The following DSCAML1 variants were observed in gnomAD, a reference collection of about 807,000 sequenced individuals.
The protein encoded by DSCAML1 is DS cell adhesion molecule like 1, also known as cell adhesion molecule DSCAML1.
In DSCAML1, 38 loss-of-function variants were observed where a neutral mutation model predicts 200.5. The observed-to-expected ratio is 0.19, with a 90% CI of 0.15 to 0.25. The LOEUF is 0.25. Ranked by LOEUF, DSCAML1 falls within the 10% of genes least tolerant of loss-of-function variation. DSCAML1 has a pLI of 1.00. For synonymous variants in DSCAML1, 1,215 were observed against 1,165.0 expected (o/e 1.04, Z -0.87); for missense variants, 2,223 against 2,858.8 (o/e 0.78, Z 5.07).
At chr11:117,638,315 AGTGTGTGTGTGTGTGTGTGTGTGTGT>A (rs59327038) in intron 3 of DSCAML1, among the ~76,000 whole-genome samples, 4 of 135,128 alleles carry the variant, frequency 3.0e-5, no homozygotes, top group Non-Finnish European at 6.3e-5. Context: ...CAAGATAGCA[AGTGTGTGTGTGTGTGTGTGTGTGTGT>A]GTGTGTGTGT....
At chr11:117,495,458 G>A (rs1465308060) in intron 11 of DSCAML1, among the ~76,000 whole-genome samples, 2 of 152,150 alleles carry the variant, frequency 1.3e-5, no homozygotes, top group African/African-American at 4.8e-5. Flanking sequence ...GGAGGGGTGG[G>A]TGGAGGCTCA....
At chr11:117,435,878 C>G in intron 26 of DSCAML1, 79 bp from the exon 27 acceptor site, 3 of 1,468,916 alleles carry the variant, frequency 2.0e-6, no homozygotes, top group Non-Finnish European at 2.8e-6. Context: ...GTGGGGCAGT[C>G]CTCTGACCTC....
chr11:117,497,072 G>A (rs2049302696), intron 11 of DSCAML1, among the ~76,000 whole-genome samples: 1 of 152,168 alleles, frequency 6.6e-6, no homozygotes. Flanking sequence ...TGAATGCTGG[G>A]GCCTGGAACT....
At chr11:117,700,429 G>A (rs1449474096) in intron 3 of DSCAML1, among the ~76,000 whole-genome samples, 1 of 152,142 alleles carries the variant, frequency 6.6e-6, no homozygotes, top group East Asian at 1.9e-4. Context: ...AGAGTCCCTG[G>A]GAAACGGCCT....
At chr11:117,761,466 G>A (rs1007820540) in intron 3 of DSCAML1, among the ~76,000 whole-genome samples, 1 of 152,252 alleles carries the variant, frequency 6.6e-6, no homozygotes, top group Non-Finnish European at 1.5e-5. Context: ...GAGACAGATA[G>A]TGGGCTCTGA....
At chr11:117,539,434 C>G (rs2050224177) in intron 3 of DSCAML1, among the ~76,000 whole-genome samples, 1 of 151,558 alleles carries the variant, frequency 6.6e-6, no homozygotes, top group Non-Finnish European at 1.5e-5. Context: ...GTGGTGAAAC[C>G]CCATCTCTGC....
chr11:117,566,203 G>A (rs181112340), intron 3 of DSCAML1, among the ~76,000 whole-genome samples: 1 of 152,310 alleles, frequency 6.6e-6, no homozygotes, highest in African/African-American at 2.4e-5. Flanking sequence ...AAATTAGAGA[G>A]CTGGTCCTGT....
intron 5 of DSCAML1, among the ~76,000 whole-genome samples, chr11:117,523,816 T>C (rs2049923370): frequency 6.6e-6 from 1 of 152,198 alleles, no homozygotes; most frequent in Admixed American, 6.5e-5. Flanking sequence ...ACGTTCTCTT[T>C]CCACTGCCCA....
At chr11:117,627,799 C>A (rs1385993968) in intron 3 of DSCAML1, among the ~76,000 whole-genome samples, 2 of 152,004 alleles carry the variant, frequency 1.3e-5, no homozygotes, top group Admixed American at 6.6e-5. Context: ...AAAGCAGGAC[C>A]CCTCAGGCCC....
At chr11:117,542,139 G>A (rs997438199) in intron 3 of DSCAML1, among the ~76,000 whole-genome samples, 1 of 151,986 alleles carries the variant, frequency 6.6e-6, no homozygotes, top group African/African-American at 2.4e-5. Context: ...GTGAAACCCC[G>A]TCTCTACTAA....
intron 3 of DSCAML1, among the ~76,000 whole-genome samples, chr11:117,658,074 C>T (rs1228157808): frequency 1.3e-5 from 2 of 152,146 alleles, no homozygotes; most frequent in East Asian, 3.8e-4. Context: ...GGCTTTTCCA[C>T]CGTGCAACTG....
intron 3 of DSCAML1, among the ~76,000 whole-genome samples, chr11:117,583,132 GC>G (rs2051074791): frequency 6.6e-6 from 1 of 151,844 alleles, no homozygotes. Context: ...AGAAACCATG[GC>G]CTTTCCCCTC....
intron 3 of DSCAML1, among the ~76,000 whole-genome samples, chr11:117,769,142 TTA>T (rs1211616309): frequency 3.8e-5 from 4 of 106,062 alleles, no homozygotes; most frequent in Non-Finnish European, 5.3e-5. Flanking sequence ...ATATTATATA[TTA>T]TATATATTTT....
chr11:117,608,871 T>TTTAAA (rs2051627140), intron 3 of DSCAML1, among the ~76,000 whole-genome samples: 2 of 152,104 alleles, frequency 1.3e-5, no homozygotes, highest in African/African-American at 4.8e-5. Flanking sequence ...CATTGAGCAT[T>TTTAAA]ATATCTGCCA....
intron 3 of DSCAML1, among the ~76,000 whole-genome samples, chr11:117,589,590 A>G (rs915308313): frequency 6.6e-6 from 1 of 152,240 alleles, no homozygotes; most frequent in Non-Finnish European, 1.5e-5. Flanking sequence ...GTTGATAATG[A>G]TAATCGATGC....
At chr11:117,520,366 C>G (rs1430706493) in intron 6 of DSCAML1, among the ~76,000 whole-genome samples, 1 of 152,154 alleles carries the variant, frequency 6.6e-6, no homozygotes, top group Non-Finnish European at 1.5e-5. Context: ...ACCCAGGATG[C>G]TGGTGAGACA....
intron 3 of DSCAML1, among the ~76,000 whole-genome samples, chr11:117,752,829 C>T (rs973117906): frequency 2.0e-5 from 3 of 152,216 alleles, no homozygotes; most frequent in Non-Finnish European, 4.4e-5. Flanking sequence ...CCCTGTGGTG[C>T]GGCGAGGACA....
At chr11:117,557,056 A>G (rs2050571259) in intron 3 of DSCAML1, among the ~76,000 whole-genome samples, 1 of 152,134 alleles carries the variant, frequency 6.6e-6, no homozygotes, top group Non-Finnish European at 1.5e-5. Context: ...GTTGGGCTAG[A>G]TCTTGGGTGA....
At chr11:117,729,641 C>T (rs1322739650) in intron 3 of DSCAML1, among the ~76,000 whole-genome samples, 1 of 152,062 alleles carries the variant, frequency 6.6e-6, no homozygotes, top group African/African-American at 2.4e-5. Context: ...ATATGAATGG[C>T]CAATAAACAC....
Sources: allele counts gnomAD v4.1 joint callset (sites outside exome capture counted in the v4.1 genomes callset), GRCh38; gene constraint gnomAD v4.1.1; transcripts MANE v1.5; gene names NCBI Gene and HGNC (gene_info 2026-07-23, HGNC 2026-07-21).